Variants in SUGCT observed in about 807,000 individuals in gnomAD.
SUGCT encodes succinyl-CoA:glutarate CoA-transferase.
In SUGCT, 41 loss-of-function variants were observed where a neutral mutation model predicts 55.0. The ratio of observed to expected loss-of-function variants is 0.74; its 90% CI spans 0.58 to 0.97. The LOEUF (loss-of-function observed/expected upper bound fraction) is 0.97, where lower values mean the gene tolerates loss of function less well. SUGCT is among the 50% of genes least tolerant of loss of function. The pLI is 0.00. For missense variants in SUGCT, 568 were observed against 547.8 expected (o/e 1.04, Z -0.37); for synonymous variants, 187 against 200.4 (o/e 0.93, Z 0.56).
At chr7:40,989,728 G>T in the SUGCT span, among the ~76,000 whole-genome samples, 1 of 152,150 alleles carries the variant, frequency 6.6e-6, no homozygotes, top group African/African-American at 2.4e-5. Context: ...CCAGGATTAT[G>T]CCACTGCACT....
chr7:40,314,559 C>CTTT lies in SUGCT; in HGVS notation c.721-2181_721-2179dup, dbSNP rs1292941632. 2.9e-4 allele frequency among the ~76,000 whole-genome samples: 32 copies of CTTT among 108,724 alleles called. 7 individuals are homozygous for CTTT. The highest frequency in any genetic ancestry group is 1.4e-3 in the South Asian group (4 of 2,834). The allele number at this position is 108,724 out of a possible 152,430, so 71.3% of individuals were successfully genotyped here. ...ATAACTCCTATTGCATCCCTTGTGT[C>CTTT]TTTTTTTTTTTTTTTTTTTTTTAAG... On this transcript the variant is annotated intron_variant, in intron 8 of 13. Transcript: ENST00000335693.
intron 12 of SUGCT, among the ~76,000 whole-genome samples, chr7:40,633,659 A>G (rs373701891): frequency 1.2e-4 from 19 of 152,324 alleles, no homozygotes; most frequent in Middle Eastern, 3.4e-3. Context: ...TGTTTATGCA[A>G]TGAATCTCAA....
At chr7:40,229,357 A>G (rs1788582242) in intron 6 of SUGCT, among the ~76,000 whole-genome samples, 1 of 152,112 alleles carries the variant, frequency 6.6e-6, no homozygotes, top group African/African-American at 2.4e-5. Flanking sequence ...TGTCTCTACT[A>G]AAAATACAAA....
intron 9 of SUGCT, among the ~76,000 whole-genome samples, chr7:40,352,617 T>C (rs1797690937): frequency 6.6e-6 from 1 of 152,222 alleles, no homozygotes; most frequent in Non-Finnish European, 1.5e-5. Context: ...TGCAGTTCCA[T>C]AAATACATGA....
chr7:40,483,732 A>G lies in SUGCT; in HGVS notation c.987-12552A>G, dbSNP rs137864811. On this transcript the variant is annotated intron_variant, in intron 11 of 13. Transcript: ENST00000335693. ...AAAAGAATAAAACAGGACAACCCTCAACATCTGATGACCCTTAGTCCCATG... is the reference window on the plus strand; with the variant it reads ...AAAAGAATAAAACAGGACAACCCTCGACATCTGATGACCCTTAGTCCCATG... Among the ~76,000 whole-genome samples, 863 of 152,208 alleles carry G rather than the reference A, an allele frequency of 5.7e-3. 5 individuals are homozygous for G. Among genetic ancestry groups the G allele is most frequent in the African/African-American group, 0.019 (790 of 41,558 alleles).
chr7:40,702,366 G>A (rs970355116), intron 12 of SUGCT, among the ~76,000 whole-genome samples: 1 of 152,182 alleles, frequency 6.6e-6, no homozygotes, highest in Non-Finnish European at 1.5e-5. Context: ...CCAGGTGAGG[G>A]AAATAATAGA....
At position 40,299,692 on chromosome 7, in the gene SUGCT, A is replaced by G. The variant is rs374717140; in HGVS notation, c.721-17068A>G. Reference sequence around the variant, plus strand: ...ACTAAATCATGCTTATCAGTTGCCAATTTATAATCTCTGACAGTAAACTGA... The same window carrying G: ...ACTAAATCATGCTTATCAGTTGCCAGTTTATAATCTCTGACAGTAAACTGA... On this transcript the variant is annotated intron_variant, in intron 8 of 13. Transcript: ENST00000335693. Among the ~76,000 whole-genome samples, 5 of 152,206 alleles carry G rather than the reference A, an allele frequency of 3.3e-5. No homozygotes were observed. In the East Asian group the frequency reaches 5.8e-4, roughly 18 times the overall value.
chr7:41,000,626 G>T, the SUGCT span, among the ~76,000 whole-genome samples: 46 of 152,268 alleles, frequency 3.0e-4, no homozygotes, highest in South Asian at 4.1e-3. Context: ...ATTACAATGT[G>T]AAAGGAAGCC....
chr7:40,797,029 G>T (rs1790583964), intron 13 of SUGCT, among the ~76,000 whole-genome samples: 1 of 152,100 alleles, frequency 6.6e-6, no homozygotes, highest in Non-Finnish European at 1.5e-5. Context: ...AGTGGGTCAG[G>T]GCAATTCTGA....
At chr7:40,321,614 C>T (rs1449787837) in intron 9 of SUGCT, among the ~76,000 whole-genome samples, 2 of 151,928 alleles carry the variant, frequency 1.3e-5, no homozygotes, top group African/African-American at 2.4e-5. Context: ...AATGCCTGAC[C>T]TCAGGTGATC....
chr7:40,199,906 A>G (rs888662283), intron 6 of SUGCT, among the ~76,000 whole-genome samples: 1 of 152,034 alleles, frequency 6.6e-6, no homozygotes, highest in African/African-American at 2.4e-5. Context: ...AGTTAAAATC[A>G]TACAAAATAT....
intron 11 of SUGCT, among the ~76,000 whole-genome samples, chr7:40,480,785 C>T (rs1178714188): frequency 6.6e-6 from 1 of 151,692 alleles, no homozygotes; most frequent in Non-Finnish European, 1.5e-5. Flanking sequence ...GTTCATATAA[C>T]TGAGTAATGT....
chr7:40,986,569 G>T, the SUGCT span, among the ~76,000 whole-genome samples: 1 of 152,200 alleles, frequency 6.6e-6, no homozygotes, highest in Non-Finnish European at 1.5e-5. Flanking sequence ...AAAGAAAACA[G>T]TGCGGGATTG....
chr7:40,625,858 GC>G (rs766431838), intron 12 of SUGCT, among the ~76,000 whole-genome samples: 4 of 152,096 alleles, frequency 2.6e-5, no homozygotes, highest in Non-Finnish European at 4.4e-5. Context: ...ATGATTGATT[GC>G]TTTTTCCATG....
intron 12 of SUGCT, among the ~76,000 whole-genome samples, chr7:40,549,845 C>G (rs1033025606): frequency 6.6e-6 from 1 of 152,126 alleles, no homozygotes; most frequent in African/African-American, 2.4e-5. Flanking sequence ...GAAGATAAAA[C>G]TGGCAGGGTA....
rs1225752513 is a variant in SUGCT at position 40,192,633 on chromosome 7, T to TC, written c.364-2307_364-2306insC. Among the ~76,000 whole-genome samples the TC allele has an allele frequency of 1.5e-4, 21 of 142,504 alleles. 1 individual carries two copies. In the South Asian group the frequency reaches 1.8e-3, roughly 13 times the overall value. 93.5% of individuals were successfully genotyped at this position (142,504 alleles called of 152,430 possible). On this transcript the variant is annotated intron_variant, in intron 5 of 13. Transcript: ENST00000335693. ...ATGCAGTTTATTTTCTTTCTTTCTT[T>TC]TTTTTTTTTTTTTTTGAGGTGGAGT...
chr7:40,931,552 T>C, the SUGCT span, among the ~76,000 whole-genome samples: 1 of 152,204 alleles, frequency 6.6e-6, no homozygotes, highest in Non-Finnish European at 1.5e-5. Flanking sequence ...TGTCTGGTCC[T>C]GGACTTTTTT....
At chr7:40,847,579 G>A (rs1448853810) in intron 13 of SUGCT, among the ~76,000 whole-genome samples, 1 of 151,826 alleles carries the variant, frequency 6.6e-6, no homozygotes, top group Admixed American at 6.6e-5. Context: ...ACCACGCCTG[G>A]CTAATTTTTG....
chr7:40,912,686 C>A, the SUGCT span, among the ~76,000 whole-genome samples: 1 of 150,340 alleles, frequency 6.7e-6, no homozygotes, highest in South Asian at 2.1e-4. Context: ...TTCTTAGTTT[C>A]CAAATTAAAA....
Sources: allele counts gnomAD v4.1 joint callset (sites outside exome capture counted in the v4.1 genomes callset), GRCh38; gene constraint gnomAD v4.1.1; transcripts MANE v1.5; gene names NCBI Gene and HGNC (gene_info 2026-07-23, HGNC 2026-07-21).